The following ITGA2 variants were observed in gnomAD, a reference collection of about 807,000 sequenced individuals.
The protein encoded by ITGA2 is integrin alpha-2.
In ITGA2, 101 loss-of-function variants were observed where a neutral mutation model predicts 146.3. That is an observed-to-expected ratio of 0.69 (90% CI 0.59 to 0.81). The LOEUF is 0.81. ITGA2 is among the 40% of genes least tolerant of loss of function. ITGA2 has a pLI of 0.00. For missense variants in ITGA2, 1,281 were observed against 1,402.7 expected (o/e 0.91, Z 1.39); for synonymous variants, 477 against 487.1 (o/e 0.98, Z 0.27).
At chr5:53,022,341 C>G (rs564460453) in intron 1 of ITGA2, among the ~76,000 whole-genome samples, 1 of 151,944 alleles carries the variant, frequency 6.6e-6, no homozygotes, top group South Asian at 2.1e-4. Flanking sequence ...TGAGATTACA[C>G]GTGTGAGCTG....
At position 53,081,588 on chromosome 5, in the gene ITGA2, A is replaced by T. The variant is rs2112026517; in HGVS notation, c.3040-4A>T. 5.6e-6 allele frequency: 9 copies of T among 1,604,998 alleles called. No homozygotes were observed. The highest frequency in any genetic ancestry group is 7.7e-6 in the Non-Finnish European group (9 of 1,173,206). On this transcript the variant is annotated splice_region_variant and splice_polypyrimidine_tract_variant and intron_variant, in intron 25 of 29. Coordinates refer to ENST00000296585, the MANE Select transcript of ITGA2 (RefSeq NM_002203.4). ...AAGTCTGATCGGGTGTTCTTCTTTT[A>T]TAGGCTGGTGACATCAGTTGTAATG...
At chr5:53,005,663 G>C (rs1452839590) in intron 1 of ITGA2, among the ~76,000 whole-genome samples, 1 of 151,392 alleles carries the variant, frequency 6.6e-6, no homozygotes, top group African/African-American at 2.4e-5. Context: ...CCCCTCAGTA[G>C]TGTATAATGA....
At chr5:53,043,277 AT>A (rs3842049) in intron 3 of ITGA2, among the ~76,000 whole-genome samples, 21,169 of 151,860 alleles carry the variant, frequency 0.14, 1,606 homozygotes, top group Admixed American at 0.22. Context: ...TAGTCCAAAA[AT>A]TTTAGTATAT....
intron 2 of ITGA2, among the ~76,000 whole-genome samples, chr5:53,032,975 A>C (rs1381462918): frequency 6.6e-6 from 1 of 152,066 alleles, no homozygotes; most frequent in East Asian, 1.9e-4. Context: ...AATAAAAGTA[A>C]AGCACTTCAG....
At chr5:53,030,879 T>A (rs1743192242) in intron 2 of ITGA2, among the ~76,000 whole-genome samples, 1 of 152,164 alleles carries the variant, frequency 6.6e-6, no homozygotes, top group Non-Finnish European at 1.5e-5. Context: ...AAGGCCTGGG[T>A]CATTAGAGAG....
intron 1 of ITGA2, among the ~76,000 whole-genome samples, chr5:53,005,383 A>T (rs987796872): frequency 2.0e-5 from 3 of 152,066 alleles, no homozygotes; most frequent in African/African-American, 7.2e-5. Flanking sequence ...GGAGTTTGAG[A>T]CCAGCCTGGC....
rs1579923728 is a variant in ITGA2 at position 53,093,661 on chromosome 5, T to A, written c.*3062T>A. The stretch of plus-strand genomic sequence containing the variant: ...CAAGAAATTTAGGGGGAAAAAACAT[T>A]GTTTAAATAAAAGCTATGTGTTCCT... On this transcript the variant is annotated 3_prime_UTR_variant, in exon 30 of 30. Coordinates refer to ENST00000296585, the MANE Select transcript of ITGA2 (RefSeq NM_002203.4). 2 of 152,306 alleles carry A rather than the reference T, an allele frequency of 1.3e-5. No homozygotes were observed. Among genetic ancestry groups the A allele is most frequent in the Admixed American group, 6.5e-5 (1 of 15,300 alleles). The allele number at this position is 152,306 out of a possible 1,614,324, so 9.4% of individuals were successfully genotyped here. A position where few individuals can be genotyped will look rare whatever the true frequency, so the allele number is the denominator to read the frequency against.
At chr5:53,036,042 C>G (rs1743475721) in intron 2 of ITGA2, among the ~76,000 whole-genome samples, 1 of 114,498 alleles carries the variant, frequency 8.7e-6, no homozygotes, top group Admixed American at 8.7e-5. Flanking sequence ...GTCTTTGACT[C>G]GTATTCATTC....
rs375874003 is a variant in ITGA2, at chr5:53,065,928, T to C, written c.1894T>C (p.Ser632Pro). 2.5e-6 allele frequency: 4 copies of C among 1,612,002 alleles called. No homozygotes were observed. Among genetic ancestry groups the C allele is most frequent in the Non-Finnish European group, 3.4e-6 (4 of 1,178,756 alleles). ...LDGYGDLNGD[S>P]ITDVSIGAFG... is the part of the protein sequence containing the mutation. ...TGGCTATGGAGATTTAAATGGGGAT[T>C]CCATCACCGATGTGTCTATTGGTGC... Residue 632 changes from serine (S) to proline (P), a missense_variant, in exon 15 of 30, where the codon TCC (serine) becomes CCC (proline). Transcript: ENST00000296585.
intron 3 of ITGA2, among the ~76,000 whole-genome samples, chr5:53,042,854 A>AG (rs913506535): frequency 7.2e-5 from 11 of 152,032 alleles, no homozygotes; most frequent in Non-Finnish European, 1.6e-4. Flanking sequence ...CAGCCTAAAA[A>AG]AACAGCCCTG....
intron 9 of ITGA2, among the ~76,000 whole-genome samples, chr5:53,057,311 A>G (rs1208487101): frequency 6.6e-6 from 1 of 152,030 alleles, no homozygotes; most frequent in Non-Finnish European, 1.5e-5. Flanking sequence ...GTTGTACAGT[A>G]CAGTTTGTCT....
intron 21 of ITGA2, 101 bp from the exon 22 acceptor site, chr5:53,074,960 C>A: frequency 1.3e-6 from 1 of 789,274 alleles, no homozygotes; most frequent in Non-Finnish European, 2.2e-6. Flanking sequence ...AATTCAGAAT[C>A]AAATTTGAGT....
At position 53,037,136 on chromosome 5, in the gene ITGA2, G is replaced by C. The variant is rs115811337; in HGVS notation, c.186-4976G>C. ...TCCTACCTACACCACCATAAATACT[G>C]CTTGCTAACTAAACAAAGTATTTTG... On this transcript the variant is annotated intron_variant, in intron 2 of 29. Coordinates refer to ENST00000296585, the MANE Select transcript of ITGA2 (RefSeq NM_002203.4). 5.0e-3 allele frequency among the ~76,000 whole-genome samples: 765 copies of C among 152,248 alleles called. 4 individuals carry two copies. Among genetic ancestry groups the C allele is most frequent in the Middle Eastern group, 0.041 (12 of 294 alleles).
At position 53,086,939 on chromosome 5, in the gene ITGA2, T is replaced by C; in HGVS notation, c.3259-13T>C. On this transcript the variant is annotated splice_polypyrimidine_tract_variant and intron_variant, in intron 27 of 29. Transcript: ENST00000296585. ...TGCTACGATAAAACATATTCCTTAT[T>C]CTTATGTTCCAGTCAACGTTCCAGA... 6.3e-7 allele frequency: 1 copy of C among 1,598,424 alleles called. No individual in the cohort carries two copies. Among genetic ancestry groups the C allele is most frequent in the Non-Finnish European group, 8.6e-7 (1 of 1,165,874 alleles).
At chr5:53,003,348 T>G (rs146840591) in intron 1 of ITGA2, among the ~76,000 whole-genome samples, 3 of 152,182 alleles carry the variant, frequency 2.0e-5, no homozygotes, top group Non-Finnish European at 4.4e-5. Flanking sequence ...CCCCTTGACA[T>G]GTAACCAGTC....
intron 2 of ITGA2, among the ~76,000 whole-genome samples, chr5:53,035,522 A>G (rs753651590): frequency 7.2e-5 from 11 of 152,250 alleles, no homozygotes; most frequent in Non-Finnish European, 1.5e-4. Context: ...CTGAGGCAGC[A>G]TAATGAGGCC....
At position 52,989,375 on chromosome 5, in the gene ITGA2, T is replaced by C; in HGVS notation, c.-94T>C. 2 of 1,314,404 alleles carry C rather than the reference T, an allele frequency of 1.5e-6. No individual in the cohort carries two copies. The highest frequency in any genetic ancestry group is 2.2e-6 in the Non-Finnish European group (2 of 909,348). The allele number at this position is 1,314,404 out of a possible 1,614,324, so 81.4% of individuals were successfully genotyped here. ...GGAGAGAAGCCCTCTGGACAGCTTC[T>C]AGAGTGTGCAGGTTCTCGTATCCCT... On this transcript the variant is annotated 5_prime_UTR_variant, in exon 1 of 30. Transcript: ENST00000296585.
chr5:53,048,447 C>G lies in ITGA2; in HGVS notation c.472C>G (p.Leu158Val), dbSNP rs1744195663. 6.2e-7 allele frequency: 1 copy of G among 1,614,118 alleles called. No individual in the cohort carries two copies. The highest frequency in any genetic ancestry group is 8.5e-7 in the Non-Finnish European group (1 of 1,179,978). Residue 158 changes from leucine (L) to valine (V), a missense_variant, in exon 5 of 30, where the codon CTC becomes GTC. Transcript: ENST00000296585. The part of the protein sequence containing the change: ...VCSDISPDFQ[L>V]SASFSPATQP... ...TTCTGACATCAGTCCTGATTTTCAG[C>G]TCTCAGCCAGCTTCTCACCTGCAAC... is the stretch of plus-strand genomic sequence containing the variant.
chr5:53,074,306 C>A, intron 20 of ITGA2, 79 bp from the exon 21 acceptor site: 1 of 1,086,280 alleles, frequency 9.2e-7, no homozygotes, highest in Non-Finnish European at 1.4e-6. Flanking sequence ...TGCCACTGTA[C>A]CTCTTTTACC....
Sources: gnomAD v4.1 joint callset for allele counts (sites outside exome capture counted in the v4.1 genomes callset) on GRCh38, gnomAD v4.1.1 for gene constraint, MANE v1.5 for transcripts, NCBI Gene and HGNC (gene_info 2026-07-23, HGNC 2026-07-21) for gene names.